TENT5D: variants seen among roughly 807,000 people sequenced by gnomAD.
TENT5D encodes cancer/testis antigen 112.
For synonymous variants in TENT5D, 103 were observed against 100.6 expected (o/e 1.02, Z -0.15); for missense variants, 191 against 287.0 (o/e 0.67, Z 2.42).
upstream of TENT5D, among the ~76,000 whole-genome samples, chrX:80,418,071 G>A (rs771969702): frequency 9.0e-6 from 1 of 111,059 alleles, no homozygotes; most frequent in Non-Finnish European, 1.9e-5. Flanking sequence ...TTTGAGCTCT[G>A]AGATTATTTC....
intron 3 of TENT5D, among the ~76,000 whole-genome samples, chrX:80,382,581 A>T (rs753529191): frequency 1.2e-4 from 11 of 90,517 alleles, no homozygotes; most frequent in African/African-American, 4.3e-4. Flanking sequence ...GTGTGTCCTG[A>T]GGAGGGGTCT....
chrX:80,349,508 C>A (rs1602499650), intron 3 of TENT5D, among the ~76,000 whole-genome samples: 1 of 110,716 alleles, frequency 9.0e-6, no homozygotes, highest in East Asian at 2.8e-4. Context: ...GGTGTTTCCC[C>A]TTTATAATTT....
At chrX:80,442,595 A>G in exon 3 of TENT5D, 1 of 1,209,807 alleles carries the variant, frequency 8.3e-7, no homozygotes, top group Non-Finnish European at 1.1e-6. Context: ...ACACTGGATC[A>G]AGTGTTAGAT....
chrX:80,434,307 C>A lies in TENT5D; in HGVS notation c.-141-4303C>A, dbSNP rs1001742039. On this transcript the variant is annotated intron_variant, in intron 1 of 2. Coordinates refer to ENST00000308293, the Ensembl canonical transcript of TENT5D. ...TGAATAGAAACTAAAACCTTTAACACTCCCATCATCTTTTGGTACAAGATA... is the reference window on the plus strand; with the variant it reads ...TGAATAGAAACTAAAACCTTTAACAATCCCATCATCTTTTGGTACAAGATA... Among the ~76,000 whole-genome samples, 3 of 110,611 alleles carry A rather than the reference C, an allele frequency of 2.7e-5. No individual in the cohort carries two copies. The Admixed American group carries it at 2.9e-4, about 11-fold the overall frequency.
At chrX:80,384,908 A>G (rs1930958958) in intron 3 of TENT5D, among the ~76,000 whole-genome samples, 1 of 110,954 alleles carries the variant, frequency 9.0e-6, no homozygotes, top group Non-Finnish European at 1.9e-5. Context: ...ACCACTGCTC[A>G]ATGAAATAAA....
At chrX:80,345,212 CTATATCCTATATCCCTA>C (rs1258759170) in intron 3 of TENT5D, among the ~76,000 whole-genome samples, 4 of 111,496 alleles carry the variant, frequency 3.6e-5, no homozygotes, top group Non-Finnish European at 5.7e-5. Flanking sequence ...GTTTTTCTTG[CTATATCCTATATCCCTA>C]TATATCCTAT....
rs762463391 is a variant in TENT5D, at chrX:80,365,906, AAGAC to A, written c.-142+23348_-142+23351del. Reference sequence around the variant, plus strand: ...ATACTTAAAGTATTTAGCAAACTACAAGACAGACAATGTTCAATGAAAGGTAGGA... The same window carrying A: ...ATACTTAAAGTATTTAGCAAACTACAAGACAATGTTCAATGAAAGGTAGGA... On this transcript the variant is annotated intron_variant, in intron 3 of 4. Transcript: ENST00000538312. 1.6e-3 allele frequency among the ~76,000 whole-genome samples: 183 copies of A among 111,219 alleles called. 1 individual carries two copies. Among genetic ancestry groups the A allele is most frequent in the African/African-American group, 5.7e-3 (175 of 30,648 alleles).
At chrX:80,373,764 A>G (rs1045436591) in intron 3 of TENT5D, among the ~76,000 whole-genome samples, 1 of 111,422 alleles carries the variant, frequency 9.0e-6, no homozygotes, top group Non-Finnish European at 1.9e-5. Context: ...TGCTGTTATC[A>G]TGCTCCTGGG....
intron 3 of TENT5D, among the ~76,000 whole-genome samples, chrX:80,348,102 G>A (rs771054865): frequency 5.4e-5 from 6 of 111,924 alleles, no homozygotes; most frequent in Non-Finnish European, 9.4e-5. Context: ...TTTGAAGTCA[G>A]GTAGCATGAT....
At chrX:80,381,277 A>T (rs1930861329) in intron 3 of TENT5D, among the ~76,000 whole-genome samples, 1 of 112,004 alleles carries the variant, frequency 8.9e-6, no homozygotes, top group African/African-American at 3.2e-5. Flanking sequence ...AAGAATGTTG[A>T]ATATTGGCCC....
At chrX:80,397,852 A>G (rs1233668070) in intron 3 of TENT5D, among the ~76,000 whole-genome samples, 11 of 111,621 alleles carry the variant, frequency 9.9e-5, no homozygotes, top group Middle Eastern at 4.3e-3. Context: ...TCAGGCAGGG[A>G]GGTTGCAGTG....
At chrX:80,338,355 G>A (rs768325778) in intron 2 of TENT5D, among the ~76,000 whole-genome samples, 10 of 111,700 alleles carry the variant, frequency 9.0e-5, no homozygotes, top group South Asian at 7.5e-4. Context: ...CAGATATGGC[G>A]GATACTTAGA....
At chrX:80,384,159 G>T (rs1410042332) in intron 3 of TENT5D, among the ~76,000 whole-genome samples, 1 of 102,402 alleles carries the variant, frequency 9.8e-6, no homozygotes, top group Admixed American at 1.1e-4. Flanking sequence ...GATGAACATC[G>T]ATGCAAAAAT....
intron 1 of TENT5D, among the ~76,000 whole-genome samples, chrX:80,433,478 A>G (rs1417072139): frequency 8.9e-6 from 1 of 112,394 alleles, no homozygotes; most frequent in African/African-American, 3.2e-5. Flanking sequence ...ATAGCAACAC[A>G]AACAAGTGAA....
chrX:80,379,601 G>A (rs1930812599), intron 3 of TENT5D, among the ~76,000 whole-genome samples: 1 of 110,938 alleles, frequency 9.0e-6, no homozygotes, highest in South Asian at 3.8e-4. Context: ...ACTTTTTTTG[G>A]TTGGTACGCT....
At chrX:80,367,073 TA>T (rs1930525678) in intron 3 of TENT5D, among the ~76,000 whole-genome samples, 1 of 111,728 alleles carries the variant, frequency 9.0e-6, no homozygotes, top group African/African-American at 3.2e-5. Flanking sequence ...TCTATCAGTC[TA>T]GTAATTCCAG....
chrX:80,357,275 C>T (rs1160507301), intron 3 of TENT5D, among the ~76,000 whole-genome samples: 1 of 110,223 alleles, frequency 9.1e-6, no homozygotes, highest in African/African-American at 3.3e-5. Context: ...GGGTATATAC[C>T]CAGTAATGGG....
At chrX:80,382,388 C>T (rs1021355570) in intron 3 of TENT5D, among the ~76,000 whole-genome samples, 20 of 111,745 alleles carry the variant, frequency 1.8e-4, no homozygotes, top group African/African-American at 5.5e-4. Context: ...AGGTGTCAGT[C>T]GGCCCCTACT....
At chrX:80,358,399 T>A (rs946287620) in intron 3 of TENT5D, among the ~76,000 whole-genome samples, 3 of 111,088 alleles carry the variant, frequency 2.7e-5, no homozygotes, top group African/African-American at 9.8e-5. Flanking sequence ...TGGGAGAAAA[T>A]TTTTGGAAAT....
Sources: gnomAD v4.1 joint callset for allele counts (sites outside exome capture counted in the v4.1 genomes callset) on GRCh38, gnomAD v4.1.1 for gene constraint, MANE v1.5 for transcripts, NCBI Gene and HGNC (gene_info 2026-07-23, HGNC 2026-07-21) for gene names.